Variants in RERGL observed in about 807,000 individuals in gnomAD.
RERGL encodes ras-related and estrogen-regulated growth inhibitor-like protein.
A neutral mutation model predicts 24.7 loss-of-function variants in RERGL; 22 were observed. The ratio of observed to expected loss-of-function variants is 0.89; its 90% CI spans 0.64 to 1.27. The LOEUF (loss-of-function observed/expected upper bound fraction) is 1.27, where lower values mean the gene tolerates loss of function less well. RERGL is among the 50% of genes most tolerant of loss of function. The pLI, the probability that RERGL is intolerant of heterozygous loss-of-function variation, is 0.00. For synonymous variants in RERGL, 76 were observed against 82.6 expected (o/e 0.92, Z 0.43); for missense variants, 259 against 235.3 (o/e 1.10, Z -0.66).
chr12:18,085,815 G>C, intron 2 of RERGL, 122 bp from the exon 3 acceptor site: 3 of 533,184 alleles, frequency 5.6e-6, no homozygotes. Flanking sequence ...GTGACTGAAA[G>C]CATGTATTTG....
At chr12:18,081,673 A>G (rs192064026) in intron 4 of RERGL, among the ~76,000 whole-genome samples, 200 bp from the exon 5 acceptor site, 1 of 152,312 alleles carries the variant, frequency 6.6e-6, no homozygotes, top group African/African-American at 2.4e-5. Flanking sequence ...AATGTAGTAA[A>G]TGGCACAGAA....
At position 18,084,618 on chromosome 12, in the gene RERGL, A is replaced by G. The variant is rs745656983; in HGVS notation, c.231T>C (p.Asp77=). 1.9e-6 allele frequency: 3 copies of G among 1,612,098 alleles called. No homozygotes were observed. Among genetic ancestry groups the G allele is most frequent in the East Asian group, 2.2e-5 (1 of 44,760 alleles). Residue 77 remains aspartate (D), a synonymous_variant, in exon 4 of 5, where the codon GAT becomes GAC. Coordinates refer to ENST00000538724, the MANE Select transcript of RERGL (RefSeq NM_001286201.2). ...TGATGTCATACACAATAACAAACCC[A>G]TCTGCCCAGTGAAGCTCACTTGTGA... ...FSLTSELHWA[D]GFVIVYDISD... is the part of the protein sequence containing the mutation.
In RERGL at chr12:18,080,958, T is replaced by C. The variant is rs1947164240; in HGVS notation, c.*233A>G. Reference sequence around the variant, plus strand: ...CTGTCCGCCAGTAGGTTAGGGTGAGTGTGATGTTGTACAATAAATGAAAGG... The same window carrying C: ...CTGTCCGCCAGTAGGTTAGGGTGAGCGTGATGTTGTACAATAAATGAAAGG... On this transcript the variant is annotated 3_prime_UTR_variant, in exon 5 of 5. Coordinates refer to ENST00000538724, the MANE Select transcript of RERGL (RefSeq NM_001286201.2). 2.7e-6 allele frequency: 1 copy of C among 366,448 alleles called. No homozygotes were observed. Among genetic ancestry groups the C allele is most frequent in the Admixed American group, 4.1e-5 (1 of 24,554 alleles). The allele number at this position is 366,448 out of a possible 1,614,324, so 22.7% of individuals were successfully genotyped here. A position where few individuals can be genotyped will look rare whatever the true frequency, so the allele number is the denominator to read the frequency against.
At chr12:18,083,145 G>A (rs571550120) in intron 4 of RERGL, among the ~76,000 whole-genome samples, 24 of 152,066 alleles carry the variant, frequency 1.6e-4, no homozygotes, top group Admixed American at 1.3e-3. Context: ...ATTGAAAAGG[G>A]TAAATGAGGA....
At chr12:18,085,816 C>A (rs1947213964) in intron 2 of RERGL, 123 bp from the exon 3 acceptor site, 2 of 546,098 alleles carry the variant, frequency 3.7e-6, no homozygotes, top group Non-Finnish European at 6.4e-6. Context: ...TGACTGAAAG[C>A]ATGTATTTGT....
intron 4 of RERGL, among the ~76,000 whole-genome samples, chr12:18,082,241 C>A (rs1187348783): frequency 6.6e-6 from 1 of 151,668 alleles, no homozygotes; most frequent in Non-Finnish European, 1.5e-5. Flanking sequence ...AACAGAAAAC[C>A]AAATACTGCA....
At chr12:18,089,268 GCAAGA>G (rs1362786903) in intron 1 of RERGL, 9 of 1,607,204 alleles carry the variant, frequency 5.6e-6, no homozygotes, top group Non-Finnish European at 1.7e-6. Flanking sequence ...TATTTGAGAT[GCAAGA>G]AGTTTGACAT....
chr12:18,081,100 C>T lies in RERGL; in HGVS notation c.*91G>A. 1 of 1,158,016 alleles carries T rather than the reference C, an allele frequency of 8.6e-7. No homozygotes were observed. Among genetic ancestry groups the T allele is most frequent in the Non-Finnish European group, 1.2e-6 (1 of 839,324 alleles). The allele number at this position is 1,158,016 out of a possible 1,614,324, so 71.7% of individuals were successfully genotyped here. On this transcript the variant is annotated 3_prime_UTR_variant, in exon 5 of 5. Transcript: ENST00000538724. ...ATATCTCCAAGAGAATTCTTTTTAC[C>T]AAAAAAAAATTGCATACAAAGGTTA... is the stretch of plus-strand genomic sequence containing the variant.
intron 4 of RERGL, 45 bp from the exon 5 acceptor site, chr12:18,081,518 T>TC: frequency 9.1e-7 from 1 of 1,094,464 alleles, no homozygotes; most frequent in Non-Finnish European, 1.3e-6. Flanking sequence ...TTTTAACAAC[T>TC]CTTTTTTTTA....
At position 18,089,257 on chromosome 12, in the gene RERGL, A is replaced by T. The variant is rs146689603; in HGVS notation, c.53-301T>A. ...TTGTAACAGAAACAGATTTCTCATT[A>T]TATTTGAGATGCAAGAAGTTTGACA... On this transcript the variant is annotated intron_variant, in intron 1 of 4. Transcript: ENST00000538724. 6.2e-6 allele frequency: 10 copies of T among 1,608,082 alleles called. No individual in the cohort carries two copies. The African/African-American group carries it at 1.2e-4, about 19-fold the overall frequency.
chr12:18,086,024 ATTTTT>A lies in RERGL; in HGVS notation c.110-336_110-332del, dbSNP rs577015041. ...AGGGGCTCGCCACCACGCCTGGCCA[ATTTTT>A]TTTTTTTTTTTTTTTTTGTATTTTT... is the stretch of plus-strand genomic sequence containing the variant. On this transcript the variant is annotated intron_variant, in intron 2 of 4. Transcript: ENST00000538724. Among the ~76,000 whole-genome samples, 1,244 of 125,050 alleles carry A rather than the reference ATTTTT, an allele frequency of 9.9e-3. 21 individuals are homozygous for A. Among genetic ancestry groups the A allele is most frequent in the East Asian group, 0.028 (127 of 4,498 alleles). 82.0% of individuals were successfully genotyped at this position (125,050 alleles called of 152,430 possible).
At position 18,084,663 on chromosome 12, in the gene RERGL, T is replaced by C. The variant is rs1947203247; in HGVS notation, c.186A>G (p.Thr62=). Residue 62 remains threonine, a splice_region_variant and synonymous_variant, in exon 4 of 5, where the codon ACA becomes ACG. Coordinates refer to ENST00000538724, the MANE Select transcript of RERGL (RefSeq NM_001286201.2). ...NLEIYDPCSQ[T]QKAKFSLTSE... ...TTGTGAGGGAGAATTTTGCTTTCTG[T>C]GTCTGAAAATAAACCAAGTGCATTA... is the stretch of plus-strand genomic sequence containing the variant. The C allele has an allele frequency of 2.5e-6, 4 of 1,607,758 alleles. No individual in the cohort carries two copies. Among genetic ancestry groups the C allele is most frequent in the Non-Finnish European group, 3.4e-6 (4 of 1,178,132 alleles).
intron 4 of RERGL, among the ~76,000 whole-genome samples, chr12:18,084,229 T>C (rs1007095775): frequency 2.6e-5 from 4 of 152,196 alleles, no homozygotes; most frequent in East Asian, 1.9e-4. Flanking sequence ...AACTATCTTA[T>C]ATACAAAGGA....
At chr12:18,085,730 T>C (rs368244448) in intron 2 of RERGL, 37 bp from the exon 3 acceptor site, 65 of 1,183,744 alleles carry the variant, frequency 5.5e-5, no homozygotes, top group Non-Finnish European at 7.6e-5. Context: ...AGTATGAAAA[T>C]ACTCCAAACG....
At chr12:18,084,859 G>T (rs577642702) in intron 3 of RERGL, among the ~76,000 whole-genome samples, 194 bp from the exon 4 acceptor site, 1 of 152,222 alleles carries the variant, frequency 6.6e-6, no homozygotes, top group South Asian at 2.1e-4. Context: ...ATGTAAAACA[G>T]AACTATAATA....
intron 4 of RERGL, among the ~76,000 whole-genome samples, chr12:18,082,012 C>T (rs1423654687): frequency 6.6e-6 from 1 of 151,912 alleles, no homozygotes; most frequent in African/African-American, 2.4e-5. Context: ...TGGTTGCACG[C>T]ACTTGTAGTC....
chr12:18,084,763 A>T, intron 3 of RERGL, 98 bp from the exon 4 acceptor site: 2 of 880,760 alleles, frequency 2.3e-6, no homozygotes, highest in Non-Finnish European at 1.7e-6. Flanking sequence ...CCGCTGGAAG[A>T]TACATCAATG....
intron 4 of RERGL, among the ~76,000 whole-genome samples, chr12:18,083,502 T>A (rs1375547636): frequency 2.0e-5 from 3 of 152,116 alleles, no homozygotes; most frequent in Non-Finnish European, 4.4e-5. Flanking sequence ...GTAAGAGCTA[T>A]GAGGCACCTT....
At chr12:18,089,781 T>C (rs1290276604) in intron 1 of RERGL, among the ~76,000 whole-genome samples, 1 of 152,086 alleles carries the variant, frequency 6.6e-6, no homozygotes, top group South Asian at 2.1e-4. Flanking sequence ...GTAGGTGGGA[T>C]AGTGATGCAG....
Sources: gnomAD v4.1 joint callset for allele counts (sites outside exome capture counted in the v4.1 genomes callset) on GRCh38, gnomAD v4.1.1 for gene constraint, MANE v1.5 for transcripts, NCBI Gene and HGNC (gene_info 2026-07-23, HGNC 2026-07-21) for gene names.